The following DIS3L2 variants were observed in gnomAD, a reference collection of about 807,000 sequenced individuals.
The protein encoded by DIS3L2 is DIS3-like exonuclease 2.
A neutral mutation model predicts 97.5 loss-of-function variants in DIS3L2; 34 were observed. The ratio of observed to expected loss-of-function variants is 0.35; its 90% CI spans 0.27 to 0.46. The LOEUF (loss-of-function observed/expected upper bound fraction) is 0.46, where lower values mean the gene tolerates loss of function less well. Among genes scored for constraint, DIS3L2 ranks in the 20% least tolerant of loss-of-function variants. DIS3L2 has a pLI of 1.00. For missense variants in DIS3L2, 1,038 were observed against 1,146.0 expected (o/e 0.91, Z 1.36); for synonymous variants, 435 against 445.2 (o/e 0.98, Z 0.29).
rs1477474567 is a variant in DIS3L2, at chr2:232,077,917, ATAGAG to A, written c.367-9567_367-9563del. On this transcript the variant is annotated intron_variant, in intron 5 of 20. Transcript: ENST00000325385. ...ACCAGGCCCTTTACTGTACTTTGTT[ATAGAG>A]TATTTTCTTTCTTTCTTTCTTTTTC... is the stretch of plus-strand genomic sequence containing the variant. 5.3e-5 allele frequency among the ~76,000 whole-genome samples: 8 copies of A among 151,864 alleles called. No homozygotes were observed. In the East Asian group the frequency reaches 1.4e-3, roughly 26 times the overall value.
In DIS3L2 at chr2:232,293,265, G is replaced by A. The variant is rs60973721; in HGVS notation, c.1660-6775G>A. On this transcript the variant is annotated intron_variant, in intron 13 of 20. Coordinates refer to ENST00000325385, the MANE Select transcript of DIS3L2 (RefSeq NM_152383.5). This position sits in a 1 kb window ranked among gnomAD's most constrained non-coding sequence, Gnocchi z 4.6. The stretch of plus-strand genomic sequence containing the variant: ...TCATCTGGTGGCAATTACTGAGCAG[G>A]AGGCAGACGTGAGGCAGAATTTATT... Among the ~76,000 whole-genome samples, 1,711 of 152,260 alleles carry A rather than the reference G, an allele frequency of 0.011. 29 individuals are homozygous for A. The highest frequency in any genetic ancestry group is 0.038 in the African/African-American group (1,585 of 41,538).
intron 5 of DIS3L2, among the ~76,000 whole-genome samples, chr2:232,059,567 G>T (rs1043928100): frequency 1.3e-5 from 2 of 152,134 alleles, no homozygotes; most frequent in African/African-American, 2.4e-5. Flanking sequence ...GAGGTATGGG[G>T]TATGACTGAT....
intron 8 of DIS3L2, among the ~76,000 whole-genome samples, chr2:232,136,926 A>G (rs1486097953): frequency 6.6e-6 from 1 of 152,160 alleles, no homozygotes; most frequent in East Asian, 1.9e-4. Flanking sequence ...AGGCAGTCAC[A>G]TTCTTGTTTT....
chr2:232,142,639 C>T (rs987930884), intron 8 of DIS3L2, among the ~76,000 whole-genome samples: 2 of 152,186 alleles, frequency 1.3e-5, no homozygotes, highest in African/African-American at 4.8e-5. Flanking sequence ...TTTCTCCATG[C>T]TTTTATCTAT....
intron 5 of DIS3L2, among the ~76,000 whole-genome samples, chr2:232,036,644 C>T (rs1694956462): frequency 6.6e-6 from 1 of 152,198 alleles, no homozygotes; most frequent in Non-Finnish European, 1.5e-5. Flanking sequence ...GGTTTTTCCT[C>T]ATCTTTGTGG....
At chr2:232,264,228 C>G (rs1280996898) in intron 13 of DIS3L2, among the ~76,000 whole-genome samples, 1 of 152,236 alleles carries the variant, frequency 6.6e-6, no homozygotes, top group East Asian at 1.9e-4. Context: ...TACTCACTCA[C>G]TGCTCACCTC....
chr2:231,981,084 C>T (rs1192273077), intron 1 of DIS3L2, among the ~76,000 whole-genome samples: 3 of 152,098 alleles, frequency 2.0e-5, no homozygotes, highest in African/African-American at 7.2e-5. Context: ...GCTGGGATTA[C>T]AGGCATGCAC....
At chr2:232,106,846 G>A (rs189239523) in intron 6 of DIS3L2, among the ~76,000 whole-genome samples, 7 of 152,252 alleles carry the variant, frequency 4.6e-5, no homozygotes, top group South Asian at 2.1e-4. Flanking sequence ...AATTGATCAC[G>A]TAATCGGAAG....
At chr2:232,238,943 A>G (rs894499346) in intron 11 of DIS3L2, among the ~76,000 whole-genome samples, 1 of 152,250 alleles carries the variant, frequency 6.6e-6, no homozygotes, top group Non-Finnish European at 1.5e-5. Context: ...GAACTCAGGC[A>G]CATGCATTTG....
intron 1 of DIS3L2, among the ~76,000 whole-genome samples, chr2:231,997,873 G>T (rs370797248): frequency 3.0e-4 from 45 of 152,040 alleles, no homozygotes; most frequent in African/African-American, 9.2e-4. Context: ...TAGAATCAGG[G>T]AATTAACATT....
chr2:232,108,443 G>A (rs376967072), intron 6 of DIS3L2, among the ~76,000 whole-genome samples: 1 of 152,146 alleles, frequency 6.6e-6, no homozygotes, highest in Non-Finnish European at 1.5e-5. Context: ...AAAGCTGGAA[G>A]CATTCTTCTT....
At position 232,249,248 on chromosome 2, in the gene DIS3L2, A is replaced by T. The variant is rs564953594; in HGVS notation, c.1327A>T (p.Met443Leu). Residue 443 changes from methionine (M) to leucine (L), a missense_variant, in exon 12 of 21, where the codon ATG becomes TTG. By Grantham distance (15) the Met-to-Leu change is conservative. Transcript: ENST00000325385. ...SVYLVQKVVPMLPRLLCEELC... is the reference protein window; with the variant it reads ...SVYLVQKVVPLLPRLLCEELC... ...TGTGCTCTATTTACAGGTGGTCCCC[A>T]TGCTTCCCAGGCTGCTGTGTGAGGA... 8 of 1,613,936 alleles carry T rather than the reference A, an allele frequency of 5.0e-6. No homozygotes were observed. In the African/African-American group the frequency reaches 5.3e-5, roughly 11 times the overall value.
At chr2:232,233,922 C>T (rs1387151058) in intron 10 of DIS3L2, among the ~76,000 whole-genome samples, 4 of 152,254 alleles carry the variant, frequency 2.6e-5, no homozygotes, top group East Asian at 1.9e-4. Flanking sequence ...AGACTGACAA[C>T]GGGAACCAAA....
intron 6 of DIS3L2, among the ~76,000 whole-genome samples, chr2:232,126,970 C>T (rs745539061): frequency 8.5e-5 from 13 of 152,158 alleles, no homozygotes; most frequent in Non-Finnish European, 1.3e-4. Context: ...ACATCTATAT[C>T]TATATATCCT....
chr2:232,129,475 T>C (rs1050203413), intron 6 of DIS3L2, among the ~76,000 whole-genome samples: 3 of 152,228 alleles, frequency 2.0e-5, no homozygotes, highest in African/African-American at 7.2e-5. Context: ...CCTCTTTCAC[T>C]GATAGAGAGG....
intron 12 of DIS3L2, among the ~76,000 whole-genome samples, chr2:232,251,277 A>AT (rs1309008413): frequency 4.6e-5 from 7 of 152,194 alleles, no homozygotes; most frequent in African/African-American, 7.2e-5. Context: ...TCTTTAGGGA[A>AT]TTTTTTTAAA....
chr2:232,006,686 T>G (rs766517899), intron 1 of DIS3L2, among the ~76,000 whole-genome samples: 1 of 151,404 alleles, frequency 6.6e-6, no homozygotes, highest in Non-Finnish European at 1.5e-5. Flanking sequence ...GGTATAAGAG[T>G]AGAATCTTGT....
intron 14 of DIS3L2, among the ~76,000 whole-genome samples, chr2:232,322,557 C>T (rs947846111): frequency 6.6e-6 from 1 of 152,210 alleles, no homozygotes; most frequent in African/African-American, 2.4e-5. Flanking sequence ...TCCCTGCAGA[C>T]TTTAGTGGCT....
At chr2:232,005,197 A>G (rs1442686955) in intron 1 of DIS3L2, among the ~76,000 whole-genome samples, 1 of 50,942 alleles carries the variant, frequency 2.0e-5, no homozygotes, top group Non-Finnish European at 5.2e-5. Flanking sequence ...TTTTTATTTC[A>G]CTAGCACTTA....
Sources: gnomAD v4.1 joint callset for allele counts (sites outside exome capture counted in the v4.1 genomes callset) on GRCh38, gnomAD v4.1.1 for gene constraint, Gnocchi (gnomAD v3.1) non-coding constraint, MANE v1.5 for transcripts, NCBI Gene and HGNC (gene_info 2026-07-23, HGNC 2026-07-21) for gene names.